IFNA17: variants seen among roughly 807,000 people sequenced by gnomAD.
The protein encoded by IFNA17 is interferon alpha 17, also known as interferon alpha-17.
For synonymous variants in IFNA17, 107 were observed against 80.5 expected (o/e 1.33, Z -1.76); for missense variants, 285 against 212.7 (o/e 1.34, Z -2.11).
rs1252941201 is a variant in IFNA17, at chr9:21,227,541, A to G, written c.*63T>C. The stretch of plus-strand genomic sequence containing the variant: ...TAGAAGTGAGTCTTTGAAATGGAGG[A>G]ACTCATGAAAGTGTGAGATAATGTA... On this transcript the variant is annotated 3_prime_UTR_variant, in exon 1 of 1. Coordinates refer to ENST00000413767, the MANE Select transcript of IFNA17 (RefSeq NM_021268.2). 16 of 1,587,468 alleles carry G rather than the reference A, an allele frequency of 1.0e-5. No homozygotes were observed. The highest frequency in any genetic ancestry group is 2.7e-5 in the African/African-American group (2 of 73,212).
rs150705157 is a variant in IFNA17, at chr9:21,227,954, T to C, written c.220A>G (p.Thr74Ala). The change falls in exon 1 of 1, where the codon ACT becomes GCT. Residue 74 changes from threonine to alanine, a missense_variant. Physicochemically the swap from Thr to Ala is moderately conservative, Grantham distance 58 (BLOSUM62 0). Coordinates refer to ENST00000413767, the MANE Select transcript of IFNA17 (RefSeq NM_021268.2). ...EEFDGNQFQK[T>A]QAISVLHEMI... Reference sequence around the variant, plus strand: ...TCATGGAGGACAGAGATGGCTTGAGTCTTCTGGAACTGGTTGCCATCAAAC... The same window carrying C: ...TCATGGAGGACAGAGATGGCTTGAGCCTTCTGGAACTGGTTGCCATCAAAC... 775 of 1,613,768 alleles carry C rather than the reference T, an allele frequency of 4.8e-4. 1 individual carries two copies. The highest frequency in any genetic ancestry group is 1.1e-3 in the Admixed American group (66 of 59,978).
At position 21,227,546 on chromosome 9, in the gene IFNA17, A is replaced by G; in HGVS notation, c.*58T>C. 3 of 1,592,356 alleles carry G rather than the reference A, an allele frequency of 1.9e-6. No homozygotes were observed. The highest frequency in any genetic ancestry group is 1.1e-5 in the South Asian group (1 of 87,474). The stretch of plus-strand genomic sequence containing the variant: ...GTGAGTCTTTGAAATGGAGGAACTC[A>G]TGAAAGTGTGAGATAATGTATTAGT... On this transcript the variant is annotated 3_prime_UTR_variant, in exon 1 of 1. Coordinates refer to ENST00000413767, the MANE Select transcript of IFNA17 (RefSeq NM_021268.2).
chr9:21,227,574 A>G lies in IFNA17; in HGVS notation c.*30T>C, dbSNP rs372715122. The G allele has an allele frequency of 1.4e-5, 23 of 1,609,770 alleles. No individual in the cohort carries two copies. In the South Asian group the frequency reaches 2.1e-4, roughly 15 times the overall value. ...AAAGTGTGAGATAATGTATTAGTCA[A>G]TCAGGATCATTGCCATGTTGAACCA... On this transcript the variant is annotated 3_prime_UTR_variant, in exon 1 of 1. Transcript: ENST00000413767.
At position 21,227,567 on chromosome 9, in the gene IFNA17, T is replaced by C. The variant is rs1410329236; in HGVS notation, c.*37A>G. 1.2e-6 allele frequency: 2 copies of C among 1,606,904 alleles called. No individual in the cohort carries two copies. The highest frequency in any genetic ancestry group is 3.4e-5 in the Admixed American group (2 of 58,352). On this transcript the variant is annotated 3_prime_UTR_variant, in exon 1 of 1. Coordinates refer to ENST00000413767, the MANE Select transcript of IFNA17 (RefSeq NM_021268.2). ...ACTCATGAAAGTGTGAGATAATGTA[T>C]TAGTCAATCAGGATCATTGCCATGT...
rs1327763663 is a variant in IFNA17 at position 21,227,570 on chromosome 9, G to A, written c.*34C>T. 4 of 1,608,432 alleles carry A rather than the reference G, an allele frequency of 2.5e-6. No homozygotes were observed. In the East Asian group the frequency reaches 6.7e-5, roughly 27 times the overall value. ...CATGAAAGTGTGAGATAATGTATTA[G>A]TCAATCAGGATCATTGCCATGTTGA... is the stretch of plus-strand genomic sequence containing the variant. On this transcript the variant is annotated 3_prime_UTR_variant, in exon 1 of 1. Transcript: ENST00000413767.
rs1818641086 is a variant in IFNA17 at position 21,227,555 on chromosome 9, T to C, written c.*49A>G. ...TGAAATGGAGGAACTCATGAAAGTG[T>C]GAGATAATGTATTAGTCAATCAGGA... On this transcript the variant is annotated 3_prime_UTR_variant, in exon 1 of 1. Coordinates refer to ENST00000413767, the MANE Select transcript of IFNA17 (RefSeq NM_021268.2). 1 of 1,595,702 alleles carries C rather than the reference T, an allele frequency of 6.3e-7. No homozygotes were observed. Among genetic ancestry groups the C allele is most frequent in the Non-Finnish European group, 8.5e-7 (1 of 1,173,808 alleles).
chr9:21,228,191 T>C lies in IFNA17; in HGVS notation c.-18A>G, dbSNP rs768868722. ...AGGGCCATTGGGATGTTGCAAATGT[T>C]GCTAGGCTACTTGAGATGGGTAACC... On this transcript the variant is annotated 5_prime_UTR_variant, in exon 1 of 1. Coordinates refer to ENST00000413767, the MANE Select transcript of IFNA17 (RefSeq NM_021268.2). 42 of 1,600,628 alleles carry C rather than the reference T, an allele frequency of 2.6e-5. No homozygotes were observed. The highest frequency in any genetic ancestry group is 3.5e-5 in the Non-Finnish European group (41 of 1,173,504).
rs149908829 is a variant in IFNA17, at chr9:21,227,971, C to A, written c.203G>T (p.Gly68Val). Residue 68 changes from glycine to valine, a missense_variant, in exon 1 of 1, where the codon GGC (glycine) becomes GTC (valine). Coordinates refer to ENST00000413767, the MANE Select transcript of IFNA17 (RefSeq NM_021268.2). ...DFGLPQEEFD[G>V]NQFQKTQAIS... is the part of the protein sequence containing the mutation. Reference sequence around the variant, plus strand: ...GGCTTGAGTCTTCTGGAACTGGTTGCCATCAAACTCCTCCTGGGGAAGTCC... The same window carrying A: ...GGCTTGAGTCTTCTGGAACTGGTTGACATCAAACTCCTCCTGGGGAAGTCC... 2 of 1,613,928 alleles carry A rather than the reference C, an allele frequency of 1.2e-6. No individual in the cohort carries two copies. The highest frequency in any genetic ancestry group is 1.7e-4 in the Middle Eastern group (1 of 6,060).
At chr9:21,227,666 C>A in the IFNA17 span, 1 of 1,613,634 alleles carries the variant, frequency 6.2e-7, no homozygotes, top group South Asian at 1.1e-5. Context: ...CTCATGATTT[C>A]TGCTCTGACA....
chr9:21,227,795 C>T lies in IFNA17; in HGVS notation c.379G>A (p.Val127Ile). The T allele has an allele frequency of 1.2e-6, 2 of 1,613,944 alleles. No individual in the cohort carries two copies. The highest frequency in any genetic ancestry group is 1.7e-6 in the Non-Finnish European group (2 of 1,179,946). The change falls in exon 1 of 1, where the codon GTT (valine) becomes ATT (isoleucine). Residue 127 changes from valine to isoleucine, a missense_variant. Val to Ile is a conservative substitution (Grantham distance 29). Transcript: ENST00000413767. ...ATCAGGGGAGTCTCTTCCATCCCAA[C>T]CTCCTGTATCACACATGCTTCCAGG... is the stretch of plus-strand genomic sequence containing the variant. ...NNLEACVIQEVGMEETPLMNE... is the reference protein window; with the variant it reads ...NNLEACVIQEIGMEETPLMNE...
In IFNA17 at chr9:21,228,055, A is replaced by G; in HGVS notation, c.119T>C (p.Leu40Pro). Residue 40 changes from leucine to proline, a missense_variant, in exon 1 of 1, where the codon CTC becomes CCC. Physicochemically the swap from Leu to Pro is moderately conservative, Grantham distance 98 (BLOSUM62 -3). Coordinates refer to ENST00000413767, the MANE Select transcript of IFNA17 (RefSeq NM_021268.2). ...HSLGNRRALI[L>P]LAQMGRISPF... ...AGAGATTCTTCCCATTTGTGCCAGG[A>G]GTATCAAGGCCCTCCTATTACCCAG... The G allele has an allele frequency of 6.2e-7, 1 of 1,614,058 alleles. No homozygotes were observed. The highest frequency in any genetic ancestry group is 8.5e-7 in the Non-Finnish European group (1 of 1,180,024).
In IFNA17 at chr9:21,227,720, G is replaced by T; in HGVS notation, c.454C>A (p.Leu152Ile). The T allele has an allele frequency of 6.2e-7, 1 of 1,614,006 alleles. No individual in the cohort carries two copies. Among genetic ancestry groups the T allele is most frequent in the Non-Finnish European group, 8.5e-7 (1 of 1,179,966 alleles). The part of the protein sequence containing the change: ...AVRKYFQRIT[L>I]YLTEKKYSPC... ...CTGTATTTCTTCTCTGTTAGATAAA[G>T]AGTGATTCTTTGGAAGTATTTCCTC... Residue 152 changes from leucine (L) to isoleucine (I), a missense_variant, in exon 1 of 1, where the codon CTT (leucine) becomes ATT (isoleucine). Leu to Ile is a conservative substitution (Grantham distance 5). Coordinates refer to ENST00000413767, the MANE Select transcript of IFNA17 (RefSeq NM_021268.2).
At position 21,227,716 on chromosome 9, in the gene IFNA17, T is replaced by C; in HGVS notation, c.458A>G (p.Tyr153Cys). ...VRKYFQRITL[Y>C]LTEKKYSPCA... ...AGGGCTGTATTTCTTCTCTGTTAGATAAAGAGTGATTCTTTGGAAGTATTT... is the reference window on the plus strand; with the variant it reads ...AGGGCTGTATTTCTTCTCTGTTAGACAAAGAGTGATTCTTTGGAAGTATTT... The change falls in exon 1 of 1, where the codon TAT (tyrosine) becomes TGT (cysteine). Residue 153 changes from tyrosine (Y) to cysteine (C), a missense_variant. Tyr to Cys is a radical substitution (Grantham distance 194). Transcript: ENST00000413767. The C allele has an allele frequency of 6.2e-7, 1 of 1,613,940 alleles. No homozygotes were observed. Among genetic ancestry groups the C allele is most frequent in the East Asian group, 2.2e-5 (1 of 44,882 alleles).
At position 21,227,793 on chromosome 9, in the gene IFNA17, A is replaced by G. The variant is rs758689005; in HGVS notation, c.381T>C (p.Val127=). 6.2e-7 allele frequency: 1 copy of G among 1,613,956 alleles called. No homozygotes were observed. The change falls in exon 1 of 1, where the codon GTT becomes GTC. Residue 127 remains valine (V), a synonymous_variant. Transcript: ENST00000413767. Reference sequence around the variant, plus strand: ...TCATCAGGGGAGTCTCTTCCATCCCAACCTCCTGTATCACACATGCTTCCA... The same window carrying G: ...TCATCAGGGGAGTCTCTTCCATCCCGACCTCCTGTATCACACATGCTTCCA... ...NNLEACVIQE[V]GMEETPLMNE... is the part of the protein sequence containing the mutation.
In IFNA17 at chr9:21,227,579, G is replaced by A. The variant is rs1237727222; in HGVS notation, c.*25C>T. ...GTGAGATAATGTATTAGTCAATCAG[G>A]ATCATTGCCATGTTGAACCAGTTTT... On this transcript the variant is annotated 3_prime_UTR_variant, in exon 1 of 1. Transcript: ENST00000413767. 7 of 1,610,346 alleles carry A rather than the reference G, an allele frequency of 4.3e-6. No homozygotes were observed. Among genetic ancestry groups the A allele is most frequent in the Non-Finnish European group, 5.9e-6 (7 of 1,179,174 alleles).
At position 21,227,726 on chromosome 9, in the gene IFNA17, T is replaced by A; in HGVS notation, c.448A>T (p.Ile150Phe). 1.2e-6 allele frequency: 2 copies of A among 1,614,078 alleles called. No homozygotes were observed. The highest frequency in any genetic ancestry group is 2.2e-5 in the South Asian group (2 of 91,078). Residue 150 changes from isoleucine (I) to phenylalanine (F), a missense_variant, in exon 1 of 1, where the codon ATC becomes TTC. Physicochemically the swap from Ile to Phe is conservative, Grantham distance 21. Coordinates refer to ENST00000413767, the MANE Select transcript of IFNA17 (RefSeq NM_021268.2). Reference sequence around the variant, plus strand: ...TTCTTCTCTGTTAGATAAAGAGTGATTCTTTGGAAGTATTTCCTCACAGCC... The same window carrying A: ...TTCTTCTCTGTTAGATAAAGAGTGAATCTTTGGAAGTATTTCCTCACAGCC... ...ILAVRKYFQRITLYLTEKKYS... is the reference protein window; with the variant it reads ...ILAVRKYFQRFTLYLTEKKYS...
chr9:21,227,437 A>G lies in IFNA17; in HGVS notation c.*167T>C. The stretch of plus-strand genomic sequence containing the variant: ...TCAGCATGGTCATCTGTAAAGTACT[A>G]GTGCCTGCACAGGTATACACGACGC... On this transcript the variant is annotated 3_prime_UTR_variant, in exon 1 of 1. Transcript: ENST00000413767. 3 of 881,322 alleles carry G rather than the reference A, an allele frequency of 3.4e-6. No individual in the cohort carries two copies. Among genetic ancestry groups the G allele is most frequent in the Non-Finnish European group, 5.2e-6 (3 of 576,226 alleles). The allele number at this position is 881,322 out of a possible 1,614,324, so 54.6% of individuals were successfully genotyped here. A position where few individuals can be genotyped will look rare whatever the true frequency, so the allele number is the denominator to read the frequency against.
Position 21,227,505 on chromosome 9 carries a change from CGTG to C in IFNA17, c.*96_*98del. 1 of 1,545,558 alleles carries C rather than the reference CGTG, an allele frequency of 6.5e-7. No individual in the cohort carries two copies. The highest frequency in any genetic ancestry group is 2.1e-5 in the Admixed American group (1 of 48,690). ...AACATTTGAAAATTTTGATTCAACT[CGTG>C]GTGGTTATAGAAGTGAGTCTTTGAA... On this transcript the variant is annotated 3_prime_UTR_variant, in exon 1 of 1. Coordinates refer to ENST00000413767, the MANE Select transcript of IFNA17 (RefSeq NM_021268.2).
rs1434379015 is a variant in IFNA17 at position 21,227,512 on chromosome 9, G to C, written c.*92C>G. On this transcript the variant is annotated 3_prime_UTR_variant, in exon 1 of 1. Coordinates refer to ENST00000413767, the MANE Select transcript of IFNA17 (RefSeq NM_021268.2). ...GAAAATTTTGATTCAACTCGTGGTGGTTATAGAAGTGAGTCTTTGAAATGG... is the reference window on the plus strand; with the variant it reads ...GAAAATTTTGATTCAACTCGTGGTGCTTATAGAAGTGAGTCTTTGAAATGG... The C allele has an allele frequency of 6.4e-7, 1 of 1,559,858 alleles. No homozygotes were observed. The highest frequency in any genetic ancestry group is 8.7e-7 in the Non-Finnish European group (1 of 1,154,900).
Sources: gnomAD v4.1 joint callset for allele counts on GRCh38, gnomAD v4.1.1 for gene constraint, MANE v1.5 for transcripts, NCBI Gene and HGNC (gene_info 2026-07-23, HGNC 2026-07-21) for gene names.